CNTNAP5: variants seen among roughly 807,000 people sequenced by gnomAD.
The protein encoded by CNTNAP5 is contactin-associated protein-like 5.
In CNTNAP5, 72 loss-of-function variants were observed where a neutral mutation model predicts 150.2. The observed-to-expected ratio is 0.48, with a 90% confidence interval of 0.40 to 0.58. The LOEUF (loss-of-function observed/expected upper bound fraction) is 0.58. CNTNAP5 is among the 20% of genes least tolerant of loss of function. The pLI, the probability that CNTNAP5 is intolerant of heterozygous loss-of-function variation, is 0.00. For synonymous variants in CNTNAP5, 672 were observed against 619.8 expected (o/e 1.08, Z -1.25); for missense variants, 1,636 against 1,626.2 (o/e 1.01, Z -0.10).
At chr2:124,400,131 G>A (rs1432160096) in intron 3 of CNTNAP5, among the ~76,000 whole-genome samples, 2 of 147,098 alleles carry the variant, frequency 1.4e-5, no homozygotes, top group Non-Finnish European at 3.0e-5. Context: ...AAAAAAAATA[G>A]GGAAACCAAT....
At chr2:124,461,243 C>A (rs576592472) in intron 6 of CNTNAP5, among the ~76,000 whole-genome samples, 1 of 152,150 alleles carries the variant, frequency 6.6e-6, no homozygotes, top group African/African-American at 2.4e-5. Context: ...TTTATTGCGG[C>A]ACTATTCACA....
intron 1 of CNTNAP5, among the ~76,000 whole-genome samples, chr2:124,164,519 T>G (rs1050874761): frequency 9.9e-5 from 15 of 152,154 alleles, no homozygotes; most frequent in Non-Finnish European, 1.8e-4. Context: ...TTTGAGGAAG[T>G]GACATTTGAA....
At chr2:124,111,262 G>A (rs1351670062) in intron 1 of CNTNAP5, among the ~76,000 whole-genome samples, 2 of 152,094 alleles carry the variant, frequency 1.3e-5, no homozygotes, top group African/African-American at 2.4e-5. Context: ...GAGTGCATTT[G>A]GATTCCCAAG....
At chr2:124,526,268 A>C (rs1223116943) in intron 9 of CNTNAP5, among the ~76,000 whole-genome samples, 1 of 152,170 alleles carries the variant, frequency 6.6e-6, no homozygotes, top group Non-Finnish European at 1.5e-5. Context: ...AAACTTAAGG[A>C]AGGTGAAAAA....
intron 3 of CNTNAP5, among the ~76,000 whole-genome samples, chr2:124,405,833 A>G (rs944983847): frequency 2.6e-5 from 4 of 152,252 alleles, no homozygotes; most frequent in Non-Finnish European, 5.9e-5. Flanking sequence ...TGCAGGGATC[A>G]GCACTTTGTT....
At chr2:124,616,101 A>AT (rs1218550387) in intron 12 of CNTNAP5, among the ~76,000 whole-genome samples, 2 of 152,248 alleles carry the variant, frequency 1.3e-5, no homozygotes, top group African/African-American at 4.8e-5. Flanking sequence ...GGATCCTAGG[A>AT]TTTTGAGAAT....
At chr2:124,789,253 CT>C (rs919596564) in intron 17 of CNTNAP5, among the ~76,000 whole-genome samples, 36 of 151,728 alleles carry the variant, frequency 2.4e-4, no homozygotes, top group Middle Eastern at 3.4e-3. Context: ...TGTGTGAGAA[CT>C]TTTTTTTTCA....
At chr2:124,221,678 T>C (rs751646975) in intron 1 of CNTNAP5, 27 bp from the exon 2 acceptor site, 1 of 1,405,288 alleles carries the variant, frequency 7.1e-7, no homozygotes, top group Non-Finnish European at 1.0e-6. Flanking sequence ...ATCTGGTCTC[T>C]CTCCCTCTGT....
intron 11 of CNTNAP5, among the ~76,000 whole-genome samples, chr2:124,566,063 A>G (rs1040676196): frequency 2.6e-5 from 4 of 151,662 alleles, no homozygotes; most frequent in Non-Finnish European, 5.9e-5. Flanking sequence ...ACCAATCTCT[A>G]GGTTTTAAGT....
chr2:124,897,597 A>G (rs1459975634), intron 21 of CNTNAP5, among the ~76,000 whole-genome samples: 1 of 151,390 alleles, frequency 6.6e-6, no homozygotes, highest in East Asian at 1.9e-4. Flanking sequence ...TAGCTGGGAG[A>G]CTGGGTGTTA....
At chr2:124,201,915 G>A (rs1019646977) in intron 1 of CNTNAP5, among the ~76,000 whole-genome samples, 2 of 152,104 alleles carry the variant, frequency 1.3e-5, no homozygotes, top group South Asian at 2.1e-4. Flanking sequence ...TATGGACTCT[G>A]TTCATTAGCC....
At chr2:124,371,898 A>T (rs1413327648) in intron 3 of CNTNAP5, among the ~76,000 whole-genome samples, 1 of 152,058 alleles carries the variant, frequency 6.6e-6, no homozygotes, top group Non-Finnish European at 1.5e-5. Flanking sequence ...AGAAGATGTA[A>T]TAGTTAATAT....
intron 11 of CNTNAP5, among the ~76,000 whole-genome samples, chr2:124,584,428 A>T (rs1373821353): frequency 2.0e-5 from 3 of 152,168 alleles, no homozygotes; most frequent in Non-Finnish European, 4.4e-5. Flanking sequence ...GGAAATGGGT[A>T]TCTCATATTG....
chr2:124,839,400 A>G (rs1241676923), intron 19 of CNTNAP5, among the ~76,000 whole-genome samples: 1 of 151,400 alleles, frequency 6.6e-6, no homozygotes. Context: ...ACAATCTGCC[A>G]CCAAATCCTG....
At chr2:124,617,305 G>A (rs1423833139) in intron 12 of CNTNAP5, among the ~76,000 whole-genome samples, 1 of 151,804 alleles carries the variant, frequency 6.6e-6, no homozygotes, top group African/African-American at 2.4e-5. Flanking sequence ...ATAAAACAGA[G>A]GTATATTTTC....
chr2:124,030,528 A>G (rs1681016293), intron 1 of CNTNAP5, among the ~76,000 whole-genome samples: 1 of 152,106 alleles, frequency 6.6e-6, no homozygotes, highest in Non-Finnish European at 1.5e-5. Context: ...TCACTTTGAC[A>G]CTGTGTATAT....
chr2:124,148,439 G>A (rs927540815), intron 1 of CNTNAP5, among the ~76,000 whole-genome samples: 26 of 148,766 alleles, frequency 1.7e-4, no homozygotes, highest in African/African-American at 5.7e-4. Context: ...GTTTCCTGCC[G>A]TATCGTCATG....
chr2:124,094,233 A>AT (rs1682880977), intron 1 of CNTNAP5, among the ~76,000 whole-genome samples: 1 of 152,232 alleles, frequency 6.6e-6, no homozygotes. Context: ...AACATGCAGT[A>AT]ATCAGCATTT....
chr2:124,352,699 A>G (rs62171016), intron 3 of CNTNAP5, among the ~76,000 whole-genome samples: 89,522 of 152,042 alleles, frequency 0.59, 26,837 homozygotes, highest in African/African-American at 0.68. Context: ...CCTGTGGTTT[A>G]ATAAGCACAA....
Sources: allele counts gnomAD v4.1 joint callset (sites outside exome capture counted in the v4.1 genomes callset), GRCh38; gene constraint gnomAD v4.1.1; transcripts MANE v1.5; gene names NCBI Gene and HGNC (gene_info 2026-07-23, HGNC 2026-07-21).